The following SMIM35 variants were observed in gnomAD, a reference collection of about 807,000 sequenced individuals.
The protein encoded by SMIM35 is TMPRSS4 antisense RNA 1 (non-protein coding).
At chr11:118,065,760 C>T (rs756790438) in intron 1 of SMIM35, among the ~76,000 whole-genome samples, 1 of 152,144 alleles carries the variant, frequency 6.6e-6, no homozygotes, top group Non-Finnish European at 1.5e-5. Flanking sequence ...TTGTTCAGCC[C>T]ACTCCCACCC....
At chr11:118,048,916 C>T (rs1306490957) in intron 1 of SMIM35, among the ~76,000 whole-genome samples, 1 of 120,116 alleles carries the variant, frequency 8.3e-6, no homozygotes, top group Non-Finnish European at 1.6e-5. Context: ...CTCCTGCAGC[C>T]TCATGCCTAT....
chr11:118,080,544 C>T (rs529772311), intron 1 of SMIM35, among the ~76,000 whole-genome samples: 1 of 152,080 alleles, frequency 6.6e-6, no homozygotes, highest in African/African-American at 2.4e-5. Context: ...AGGGCTCCTG[C>T]GTGACCCCAG....
At chr11:118,032,856 C>T (rs1278519722) in intron 1 of SMIM35, among the ~76,000 whole-genome samples, 2 of 152,072 alleles carry the variant, frequency 1.3e-5, no homozygotes, top group Non-Finnish European at 2.9e-5. Flanking sequence ...TGCAGTGAGC[C>T]GATACCATGC....
rs1945475032 is a variant in SMIM35 at position 118,085,460 on chromosome 11, G to C, written c.7+1291C>G. On this transcript the variant is annotated intron_variant, in intron 1 of 4. Transcript: ENST00000689828. The stretch of plus-strand genomic sequence containing the variant: ...GGCTGGTCTCAAACTCCTGGCTGGA[G>C]TCAGTCCCAATCAGTTCCTTTTCCC... Among the ~76,000 whole-genome samples, 4 of 152,180 alleles carry C rather than the reference G, an allele frequency of 2.6e-5. No homozygotes were observed. In the Middle Eastern group the frequency reaches 0.014, roughly 518 times the overall value.
chr11:118,058,123 T>C (rs1944343198), intron 1 of SMIM35, among the ~76,000 whole-genome samples: 1 of 152,192 alleles, frequency 6.6e-6, no homozygotes, highest in Non-Finnish European at 1.5e-5. Flanking sequence ...GCAAGTTTTG[T>C]AATTGTTTTA....
At chr11:118,081,513 T>C (rs1209299221) in intron 1 of SMIM35, among the ~76,000 whole-genome samples, 2 of 152,184 alleles carry the variant, frequency 1.3e-5, no homozygotes, top group African/African-American at 4.8e-5. Flanking sequence ...CCTCGCATAA[T>C]CCACGTGCAA....
rs2058264604 is a variant in SMIM35, at chr11:118,025,129, A to ATGG, written c.8-9323_8-9321dup. 2.0e-5 allele frequency among the ~76,000 whole-genome samples: 3 copies of ATGG among 152,288 alleles called. No individual in the cohort carries two copies. In the South Asian group the frequency reaches 6.2e-4, roughly 32 times the overall value. On this transcript the variant is annotated intron_variant, in intron 1 of 4. Coordinates refer to ENST00000689828, the MANE Select transcript of SMIM35 (RefSeq NM_001394165.1). ...CTTTCTTATGGCTGTGTAGTATTTC[A>ATGG]TGGTGTATATGTACCACATTTTCTT...
intron 1 of SMIM35, among the ~76,000 whole-genome samples, chr11:118,020,678 T>C (rs2058220920): frequency 6.6e-6 from 1 of 152,208 alleles, no homozygotes; most frequent in Admixed American, 6.5e-5. Flanking sequence ...ATATTGGTTT[T>C]CCATGTAATA....
At chr11:118,036,751 C>T (rs533662555) in intron 1 of SMIM35, among the ~76,000 whole-genome samples, 141 of 152,164 alleles carry the variant, frequency 9.3e-4, no homozygotes, top group African/African-American at 3.4e-3. Flanking sequence ...TGGTGTCATG[C>T]TTGCCTCTGC....
intron 1 of SMIM35, among the ~76,000 whole-genome samples, chr11:118,055,542 C>T (rs1196057749): frequency 2.6e-5 from 4 of 152,176 alleles, no homozygotes; most frequent in African/African-American, 9.7e-5. Context: ...TGGGGCATGT[C>T]TTCTCCTGGG....
At chr11:118,076,392 A>G (rs1591315788) in intron 1 of SMIM35, among the ~76,000 whole-genome samples, 1 of 152,204 alleles carries the variant, frequency 6.6e-6, no homozygotes, top group Non-Finnish European at 1.5e-5. Flanking sequence ...GGTTGCAGTG[A>G]GCTGAGATTG....
At chr11:118,029,409 G>C (rs1241218435) in intron 1 of SMIM35, among the ~76,000 whole-genome samples, 1 of 152,218 alleles carries the variant, frequency 6.6e-6, no homozygotes, top group Non-Finnish European at 1.5e-5. Flanking sequence ...TAGTTAAAGT[G>C]TTGTTCCAGT....
At position 118,003,906 on chromosome 11, in the gene SMIM35, C is replaced by G. The variant is rs1279528861; in HGVS notation, c.*2504G>C. 1 of 152,264 alleles carries G rather than the reference C, an allele frequency of 6.6e-6. No homozygotes were observed. Among genetic ancestry groups the G allele is most frequent in the African/African-American group, 2.4e-5 (1 of 41,450 alleles). The allele number at this position is 152,264 out of a possible 1,614,324, so 9.4% of individuals were successfully genotyped here. The stretch of plus-strand genomic sequence containing the variant: ...GGAGGCAGAGAAACAGGGTAGGAGG[C>G]TGTCTTAGGCTGGGCTACTATAACA... On this transcript the variant is annotated 3_prime_UTR_variant, in exon 5 of 5. Transcript: ENST00000689828.
chr11:118,060,948 C>T (rs368171987), intron 1 of SMIM35, among the ~76,000 whole-genome samples: 1 of 152,220 alleles, frequency 6.6e-6, no homozygotes, highest in African/African-American at 2.4e-5. Context: ...TCCAGGCTGC[C>T]CCTCTCCAGC....
At chr11:118,015,494 C>T (rs1322453193) in intron 2 of SMIM35, among the ~76,000 whole-genome samples, 199 bp downstream of exon 2, 1 of 152,134 alleles carries the variant, frequency 6.6e-6, no homozygotes, top group Non-Finnish European at 1.5e-5. Flanking sequence ...CCCATTCCCT[C>T]GATAAAAGTA....
At chr11:118,049,797 G>C (rs975578263) in intron 1 of SMIM35, among the ~76,000 whole-genome samples, 2 of 152,176 alleles carry the variant, frequency 1.3e-5, no homozygotes, top group African/African-American at 2.4e-5. Context: ...GATCTAAAGA[G>C]TCTGGCAAGG....
At chr11:118,071,599 T>G (rs528755499) in intron 1 of SMIM35, among the ~76,000 whole-genome samples, 34 of 152,288 alleles carry the variant, frequency 2.2e-4, no homozygotes, top group African/African-American at 8.2e-4. Context: ...ACCTAATTTC[T>G]TGGAAGAGAT....
chr11:118,072,588 C>T (rs1944588684), intron 1 of SMIM35, among the ~76,000 whole-genome samples: 1 of 152,120 alleles, frequency 6.6e-6, no homozygotes, highest in Non-Finnish European at 1.5e-5. Context: ...AGAAGGAAAT[C>T]AGGCAGGGAG....
chr11:118,048,479 C>T (rs1944139270), intron 1 of SMIM35, among the ~76,000 whole-genome samples: 1 of 150,972 alleles, frequency 6.6e-6, no homozygotes, highest in African/African-American at 2.4e-5. Context: ...CGCCACTGCA[C>T]TCCAGCCTGG....
Sources: allele counts gnomAD v4.1 joint callset (sites outside exome capture counted in the v4.1 genomes callset), GRCh38; gene constraint gnomAD v4.1.1; transcripts MANE v1.5; gene names NCBI Gene and HGNC (gene_info 2026-07-23, HGNC 2026-07-21).